CMC1: variants seen among roughly 807,000 people sequenced by gnomAD.
CMC1 encodes COX assembly mitochondrial protein homolog.
Under a neutral mutation model 14.1 loss-of-function variants are expected in CMC1, and 14 were observed. That is an observed-to-expected ratio of 0.99 (90% CI 0.66 to 1.55). The LOEUF is 1.55. Among genes scored for constraint, CMC1 ranks in the 40% most tolerant of loss-of-function variants. The pLI is 0.00. For synonymous variants in CMC1, 50 were observed against 38.4 expected (o/e 1.30, Z -1.12); for missense variants, 127 against 123.8 (o/e 1.03, Z -0.12).
At position 28,280,810 on chromosome 3, in the gene CMC1, T is replaced by G. The variant is rs577591458; in HGVS notation, c.109+17430T>G. ...TACATTTGTAGTCACAGTAAGTGTG[T>G]TGATCAGAGTGAGAAACTAGTTAAC... On this transcript the variant is annotated intron_variant, in intron 2 of 3. Coordinates refer to ENST00000466830, the MANE Select transcript of CMC1 (RefSeq NM_182523.2). Among the ~76,000 whole-genome samples the G allele has an allele frequency of 7.2e-5, 11 of 152,334 alleles. 1 individual carries two copies. In the South Asian group the frequency reaches 2.3e-3, roughly 32 times the overall value.
chr3:28,281,095 C>A (rs777968109), intron 2 of CMC1, among the ~76,000 whole-genome samples: 13 of 152,144 alleles, frequency 8.5e-5, no homozygotes, highest in Non-Finnish European at 1.6e-4. Context: ...AAATTAAATT[C>A]TAGAAACACA....
chr3:28,253,626 C>A, intron 1 of CMC1: 8 of 570,284 alleles, frequency 1.4e-5, no homozygotes, highest in South Asian at 5.7e-5. Flanking sequence ...AAACTCCCCC[C>A]AAAAAGCTAA....
At chr3:28,242,701 T>G (rs1380093923) in intron 1 of CMC1, among the ~76,000 whole-genome samples, 1 of 152,206 alleles carries the variant, frequency 6.6e-6, no homozygotes, top group East Asian at 1.9e-4. Flanking sequence ...ATTTTACAGA[T>G]TAGGAAACTG....
At chr3:28,294,469 G>A (rs2125557899) in intron 2 of CMC1, 1 of 978,218 alleles carries the variant, frequency 1.0e-6, no homozygotes, top group Middle Eastern at 5.3e-4. Flanking sequence ...GCAGATGTTA[G>A]ATGGATTTGG....
chr3:28,269,459 T>TAG (rs1700168542), intron 2 of CMC1, among the ~76,000 whole-genome samples: 2 of 152,136 alleles, frequency 1.3e-5, no homozygotes, highest in Non-Finnish European at 2.9e-5. Flanking sequence ...AAACTTTACT[T>TAG]TAAGTTCTGG....
At chr3:28,268,285 A>G (rs1700106641) in intron 2 of CMC1, among the ~76,000 whole-genome samples, 2 of 152,168 alleles carry the variant, frequency 1.3e-5, no homozygotes, top group South Asian at 2.1e-4. Context: ...CAAAATCAAC[A>G]AAGGGAAAAG....
Position 28,262,023 on chromosome 3 carries a change from A to G in CMC1, c.20-1268A>G, listed in dbSNP as rs561117602. Among the ~76,000 whole-genome samples, 4 of 152,248 alleles carry G rather than the reference A, an allele frequency of 2.6e-5. No individual in the cohort carries two copies. In the East Asian group the frequency reaches 5.8e-4, roughly 22 times the overall value. ...GAAGGTGGTAAGCATTTTAGTTCCT[A>G]TATATCTGAATGTCCTTAACCTCAC... On this transcript the variant is annotated intron_variant, in intron 1 of 3. Coordinates refer to ENST00000466830, the MANE Select transcript of CMC1 (RefSeq NM_182523.2).
At chr3:28,277,252 G>A (rs1262566656) in intron 2 of CMC1, among the ~76,000 whole-genome samples, 1 of 152,052 alleles carries the variant, frequency 6.6e-6, no homozygotes. Flanking sequence ...TTAATACATT[G>A]GTTGTCTCCA....
intron 1 of CMC1, among the ~76,000 whole-genome samples, chr3:28,250,607 G>A (rs922950863): frequency 2.6e-5 from 4 of 152,018 alleles, no homozygotes; most frequent in Admixed American, 6.6e-5. Context: ...ACTATAAGCC[G>A]ATTTTTCAGG....
At chr3:28,313,095 G>A (rs1369392951) in intron 2 of CMC1, among the ~76,000 whole-genome samples, 1 of 151,930 alleles carries the variant, frequency 6.6e-6, no homozygotes, top group Non-Finnish European at 1.5e-5. Flanking sequence ...GGCCTCAAGT[G>A]ATCCACCCAC....
rs780734259 is a variant in CMC1 at position 28,316,449 on chromosome 3, C to T, written c.200+26C>T. 8 of 1,318,224 alleles carry T rather than the reference C, an allele frequency of 6.1e-6. No individual in the cohort carries two copies. The Admixed American group carries it at 1.7e-4, about 27-fold the overall frequency. The allele number at this position is 1,318,224 out of a possible 1,614,324, so 81.7% of individuals were successfully genotyped here. On this transcript the variant is annotated intron_variant, in intron 3 of 3. Transcript: ENST00000466830. ...GTAAGTAGTTGTCTCAGCGTTTGTG[C>T]TTGTATGTGTATTTGTGGTAGATAA... is the stretch of plus-strand genomic sequence containing the variant.
intron 2 of CMC1, among the ~76,000 whole-genome samples, chr3:28,307,746 G>A (rs964282488): frequency 1.3e-5 from 2 of 152,052 alleles, no homozygotes; most frequent in Non-Finnish European, 2.9e-5. Context: ...GTTTTCTATT[G>A]CTATTGTAAC....
intron 1 of CMC1, among the ~76,000 whole-genome samples, chr3:28,250,955 G>A (rs1218053264): frequency 1.3e-5 from 2 of 152,026 alleles, no homozygotes; most frequent in African/African-American, 4.8e-5. Context: ...CCTCATTTTG[G>A]CAAATCTTTG....
chr3:28,275,652 G>A (rs769377779), intron 2 of CMC1, among the ~76,000 whole-genome samples: 1 of 152,166 alleles, frequency 6.6e-6, no homozygotes, highest in Non-Finnish European at 1.5e-5. Flanking sequence ...TGCAGGGCAT[G>A]TGCTGCTCTG....
Position 28,323,366 on chromosome 3 carries a change from T to C in CMC1, c.*3737T>C, listed in dbSNP as rs2125630988. On this transcript the variant is annotated 3_prime_UTR_variant, in exon 4 of 4. Transcript: ENST00000466830. Reference sequence around the variant, plus strand: ...TTTCAACTATTTCATTTTTTTTTTTTTTTTTCCCAATTAGGACTTAAGGAA... The same window carrying C: ...TTTCAACTATTTCATTTTTTTTTTTCTTTTTCCCAATTAGGACTTAAGGAA... The C allele has an allele frequency of 6.6e-6, 1 of 150,522 alleles. No individual in the cohort carries two copies. Among genetic ancestry groups the C allele is most frequent in the Middle Eastern group, 3.4e-3 (1 of 294 alleles). 9.3% of individuals were successfully genotyped at this position (150,522 alleles called of 1,614,324 possible). A position where few individuals can be genotyped will look rare whatever the true frequency, so the allele number is the denominator to read the frequency against.
chr3:28,279,068 G>T (rs549781662), intron 2 of CMC1, among the ~76,000 whole-genome samples: 1 of 152,222 alleles, frequency 6.6e-6, no homozygotes, highest in South Asian at 2.1e-4. Context: ...AATTCCTTCT[G>T]CAGAAAACTA....
At chr3:28,254,764 G>T (rs1699305834) in intron 1 of CMC1, among the ~76,000 whole-genome samples, 1 of 152,048 alleles carries the variant, frequency 6.6e-6, no homozygotes, top group Admixed American at 6.6e-5. Flanking sequence ...AATTATATAT[G>T]TGAAAAAAAG....
intron 1 of CMC1, among the ~76,000 whole-genome samples, chr3:28,243,305 C>CT (rs1430200788): frequency 6.6e-6 from 1 of 152,172 alleles, no homozygotes; most frequent in Non-Finnish European, 1.5e-5. Context: ...ATCTGCCTGA[C>CT]TTGGCCTCCC....
chr3:28,274,553 T>G (rs1700477781), intron 2 of CMC1, among the ~76,000 whole-genome samples: 1 of 152,118 alleles, frequency 6.6e-6, no homozygotes, highest in African/African-American at 2.4e-5. Flanking sequence ...TATTTTTCCT[T>G]CCTTTCAACC....
Sources: gnomAD v4.1 joint callset for allele counts (sites outside exome capture counted in the v4.1 genomes callset) on GRCh38, gnomAD v4.1.1 for gene constraint, MANE v1.5 for transcripts, NCBI Gene and HGNC (gene_info 2026-07-23, HGNC 2026-07-21) for gene names.